Variants in RBFOX1 observed in about 807,000 individuals in gnomAD.
RBFOX1 encodes RNA binding fox-1 homolog 1.
In RBFOX1, 8 loss-of-function variants were observed where a neutral mutation model predicts 57.7. The ratio of observed to expected loss-of-function variants is 0.14; its 90% confidence interval spans 0.08 to 0.25. The LOEUF (loss-of-function observed/expected upper bound fraction) is 0.25. Ranked by LOEUF, RBFOX1 falls within the 10% of genes least tolerant of loss-of-function variation. The probability of loss-of-function intolerance (pLI) is 1.00; values close to 1 mark genes in which losing one functional copy is unlikely to be tolerated. For missense variants in RBFOX1, 611 were observed against 548.5 expected (o/e 1.11, Z -1.14); for synonymous variants, 326 against 222.4 (o/e 1.47, Z -4.15).
intron 3 of RBFOX1, among the ~76,000 whole-genome samples, chr16:5,634,482 A>G (rs566812558): frequency 1.3e-5 from 2 of 152,348 alleles, no homozygotes; most frequent in South Asian, 2.1e-4. Flanking sequence ...AAATTAAAGA[A>G]CTTGTACAAA....
At chr16:7,163,518 C>G (rs1191021197) in intron 4 of RBFOX1, among the ~76,000 whole-genome samples, 1 of 152,168 alleles carries the variant, frequency 6.6e-6, no homozygotes, top group African/African-American at 2.4e-5. Context: ...CCCGTTAGCA[C>G]TCCCTTTAAC....
intron 3 of RBFOX1, among the ~76,000 whole-genome samples, chr16:5,686,887 G>T (rs4625723): frequency 0.079 from 12,075 of 152,108 alleles, 1,572 homozygotes; most frequent in African/African-American, 0.28. Flanking sequence ...GAAAAAGGAG[G>T]AGTCCAGGAT....
At chr16:7,682,357 C>G (rs1275704440) in intron 14 of RBFOX1, among the ~76,000 whole-genome samples, 1 of 151,968 alleles carries the variant, frequency 6.6e-6, no homozygotes, top group African/African-American at 2.4e-5. Flanking sequence ...GGATGGAGTT[C>G]TTGGGGGTTC....
At chr16:5,699,095 C>T (rs577626886) in intron 3 of RBFOX1, among the ~76,000 whole-genome samples, 1 of 148,480 alleles carries the variant, frequency 6.7e-6, no homozygotes, top group South Asian at 2.1e-4. Context: ...TCAAGTGATT[C>T]TCATGCCTCA....
chr16:6,892,863 G>A (rs907519985), intron 3 of RBFOX1, among the ~76,000 whole-genome samples: 2 of 140,064 alleles, frequency 1.4e-5, no homozygotes, highest in Non-Finnish European at 3.0e-5. Flanking sequence ...CCCCTCCCCT[G>A]TCTGATTTCT....
At chr16:6,648,359 C>T (rs1304349769) in intron 2 of RBFOX1, among the ~76,000 whole-genome samples, 2 of 150,126 alleles carry the variant, frequency 1.3e-5, no homozygotes, top group African/African-American at 2.5e-5. Context: ...TTTTAACTGG[C>T]TCCCAGGGGC....
chr16:6,953,595 C>G (rs1437454682), intron 3 of RBFOX1, among the ~76,000 whole-genome samples: 1 of 152,112 alleles, frequency 6.6e-6, no homozygotes, highest in South Asian at 2.1e-4. Flanking sequence ...CCATGTTGGC[C>G]AGCGTGGTCT....
At chr16:5,624,170 T>C (rs1167120369) in intron 3 of RBFOX1, among the ~76,000 whole-genome samples, 1 of 152,136 alleles carries the variant, frequency 6.6e-6, no homozygotes, top group Non-Finnish European at 1.5e-5. Flanking sequence ...TCCCTAAAAA[T>C]AAGGCCTTTT....
chr16:7,507,561 C>A (rs200882454), intron 4 of RBFOX1, among the ~76,000 whole-genome samples: 1 of 122,904 alleles, frequency 8.1e-6, no homozygotes. Context: ...TTTTTTCTTT[C>A]TTTCTTTTTT....
intron 3 of RBFOX1, among the ~76,000 whole-genome samples, chr16:7,030,208 C>G (rs2042433107): frequency 6.6e-6 from 1 of 152,100 alleles, no homozygotes; most frequent in Non-Finnish European, 1.5e-5. Context: ...ATGGTTGGAT[C>G]ATGATAGAGA....
intron 2 of RBFOX1, among the ~76,000 whole-genome samples, chr16:5,579,692 C>G (rs935939957): frequency 2.6e-5 from 4 of 152,140 alleles, no homozygotes; most frequent in Non-Finnish European, 4.4e-5. Context: ...GGTCTTGAAG[C>G]TCGCTTGACT....
intron 3 of RBFOX1, among the ~76,000 whole-genome samples, chr16:6,943,566 G>C (rs1275253682): frequency 6.6e-6 from 1 of 152,090 alleles, no homozygotes; most frequent in Non-Finnish European, 1.5e-5. Flanking sequence ...AAATTAGCCA[G>C]GCGCGGTGGC....
intron 3 of RBFOX1, among the ~76,000 whole-genome samples, chr16:6,891,836 A>G (rs1201076890): frequency 6.6e-6 from 1 of 152,206 alleles, no homozygotes; most frequent in Non-Finnish European, 1.5e-5. Context: ...TTGGCATATG[A>G]TACCATTATA....
intron 4 of RBFOX1, among the ~76,000 whole-genome samples, chr16:7,253,373 C>T (rs1567904840): frequency 6.6e-6 from 1 of 152,036 alleles, no homozygotes; most frequent in Non-Finnish European, 1.5e-5. Flanking sequence ...TTCATTTTCA[C>T]TCTAACTGCT....
chr16:7,098,335 A>C, intron 4 of RBFOX1, among the ~76,000 whole-genome samples: 1 of 152,050 alleles, frequency 6.6e-6, no homozygotes, highest in East Asian at 1.9e-4. Flanking sequence ...ATGCCTGGCT[A>C]ATTTTTATAT....
chr16:7,137,012 T>C (rs568566060), intron 4 of RBFOX1, among the ~76,000 whole-genome samples: 1 of 152,344 alleles, frequency 6.6e-6, no homozygotes, highest in East Asian at 1.9e-4. Context: ...TTTCAGTCTT[T>C]TGTTTGCCAA....
intron 4 of RBFOX1, among the ~76,000 whole-genome samples, chr16:7,076,701 C>A (rs1021023926): frequency 6.6e-6 from 1 of 152,138 alleles, no homozygotes; most frequent in Non-Finnish European, 1.5e-5. Flanking sequence ...ATTCTAAATA[C>A]CACCTTCCCA....
In RBFOX1 at chr16:6,006,190, A is replaced by G. The variant is rs149436443; in HGVS notation, c.351+138855A>G. Among the ~76,000 whole-genome samples the G allele has an allele frequency of 3.2e-4, 49 of 152,324 alleles. No individual in the cohort carries two copies. The East Asian group carries it at 9.3e-3, about 29-fold the overall frequency. The stretch of plus-strand genomic sequence containing the variant: ...ATAGCACCCGGTTTCCTACGGGGAA[A>G]TCACCTCTCCTCCCTTCTCAGACCA... On this transcript the variant is annotated intron_variant, in intron 4 of 19. Coordinates refer to the RBFOX1 transcript ENST00000641259.
At chr16:6,341,743 G>C (rs1460108916) in intron 2 of RBFOX1, among the ~76,000 whole-genome samples, 1 of 152,062 alleles carries the variant, frequency 6.6e-6, no homozygotes, top group East Asian at 1.9e-4. Flanking sequence ...CTATGGAGTA[G>C]CTGTTATTTC....
Sources: gnomAD v4.1 joint callset for allele counts (sites outside exome capture counted in the v4.1 genomes callset) on GRCh38, gnomAD v4.1.1 for gene constraint, MANE v1.5 for transcripts, NCBI Gene and HGNC (gene_info 2026-07-23, HGNC 2026-07-21) for gene names.